Variants in TNR observed in about 807,000 individuals in gnomAD.
TNR encodes the protein tenascin-R.
Under a neutral mutation model 150.4 loss-of-function variants are expected in TNR, and 45 were observed. That is an observed-to-expected ratio of 0.30 (90% confidence interval 0.24 to 0.38). The LOEUF (loss-of-function observed/expected upper bound fraction) is 0.38. Ranked by LOEUF, TNR falls within the 10% of genes least tolerant of loss-of-function variation. TNR has a pLI of 1.00. For missense variants in TNR, 1,544 were observed against 1,759.1 expected (o/e 0.88, Z 2.19); for synonymous variants, 687 against 678.4 (o/e 1.01, Z -0.20).
At chr1:175,364,931 C>T in intron 12 of TNR, 79 bp downstream of exon 12, 1 of 1,503,366 alleles carries the variant, frequency 6.7e-7, no homozygotes. Flanking sequence ...GGGTCTTTCT[C>T]TTTTAAAATT....
intron 14 of TNR, 51 bp downstream of exon 14, chr1:175,362,612 C>A (rs574769515): frequency 1.3e-6 from 2 of 1,593,530 alleles, no homozygotes; most frequent in African/African-American, 1.3e-5. Context: ...ACAACTTCAC[C>A]CAGATCTTCA....
chr1:175,577,785 C>G (rs866327292), intron 1 of TNR, among the ~76,000 whole-genome samples: 1 of 152,106 alleles, frequency 6.6e-6, no homozygotes, highest in Admixed American at 6.5e-5. Flanking sequence ...CAGAGCAGCA[C>G]GAGGAGGGAA....
chr1:175,532,967 G>A (rs972074210), intron 1 of TNR, among the ~76,000 whole-genome samples: 1 of 152,202 alleles, frequency 6.6e-6, no homozygotes, highest in African/African-American at 2.4e-5. Flanking sequence ...ATGCAGGTTA[G>A]CCCCATTTAA....
chr1:175,520,275 G>T (rs1659581259), intron 2 of TNR, among the ~76,000 whole-genome samples: 1 of 152,180 alleles, frequency 6.6e-6, no homozygotes, highest in Non-Finnish European at 1.5e-5. Flanking sequence ...AGTTCTGGCA[G>T]AATCCTTACA....
intron 1 of TNR, among the ~76,000 whole-genome samples, chr1:175,612,848 A>G (rs528092722): frequency 4.0e-4 from 61 of 152,342 alleles, no homozygotes; most frequent in African/African-American, 1.2e-3. Flanking sequence ...ACTTGATTCC[A>G]ATCATTTACT....
chr1:175,717,381 C>T (rs929352700), intron 1 of TNR, among the ~76,000 whole-genome samples: 1 of 152,112 alleles, frequency 6.6e-6, no homozygotes, highest in African/African-American at 2.4e-5. Context: ...CCCCAAACCT[C>T]AGCATCACGC....
In TNR at chr1:175,320,976, T is replaced by A. The variant is rs1038721117; in HGVS notation, c.*2381A>T. On this transcript the variant is annotated 3_prime_UTR_variant, in exon 23 of 23. Transcript: ENST00000367674. Reference sequence around the variant, plus strand: ...ACTCATTCTAGTCTAATCTCTCATCTGACAGATGAAGAAACTGGCCCAGAG... The same window carrying A: ...ACTCATTCTAGTCTAATCTCTCATCAGACAGATGAAGAAACTGGCCCAGAG... The A allele has an allele frequency of 6.6e-6, 1 of 152,192 alleles. No homozygotes were observed. Among genetic ancestry groups the A allele is most frequent in the African/African-American group, 2.4e-5 (1 of 41,446 alleles). The allele number at this position is 152,192 out of a possible 1,614,324, so 9.4% of individuals were successfully genotyped here. A position where few individuals can be genotyped will look rare whatever the true frequency, so the allele number is the denominator to read the frequency against.
At position 175,546,532 on chromosome 1, in the gene TNR, G is replaced by A. The variant is rs114469311; in HGVS notation, c.-164-18163C>T. ...CTCCAACCTGGACTAAAGGCAGGGA[G>A]GCCACGAGGGCAGAGTTGCTTTTCA... On this transcript the variant is annotated intron_variant, in intron 1 of 22. Transcript: ENST00000367674. 3.2e-3 allele frequency among the ~76,000 whole-genome samples: 491 copies of A among 152,300 alleles called. 2 individuals carry two copies. The highest frequency in any genetic ancestry group is 2.5e-3 in the Non-Finnish European group (173 of 68,030).
At chr1:175,737,935 G>T (rs571149378) in intron 1 of TNR, among the ~76,000 whole-genome samples, 2 of 152,158 alleles carry the variant, frequency 1.3e-5, no homozygotes, top group Non-Finnish European at 2.9e-5. Flanking sequence ...CTCCCCAAGG[G>T]TGAGGGCTGC....
intron 7 of TNR, among the ~76,000 whole-genome samples, chr1:175,388,066 A>C (rs859442): frequency 0.66 from 100,847 of 152,082 alleles, 33,656 homozygotes; most frequent in East Asian, 0.83. Context: ...TGGTGGTTTT[A>C]GATAACTTAG....
chr1:175,352,453 C>T (rs1651095476), intron 18 of TNR, among the ~76,000 whole-genome samples: 2 of 152,142 alleles, frequency 1.3e-5, no homozygotes, highest in Admixed American at 1.3e-4. Context: ...TGGAAAGCTC[C>T]AACCCGTGGG....
chr1:175,524,069 GC>G (rs1212989450), intron 2 of TNR, among the ~76,000 whole-genome samples: 4 of 151,868 alleles, frequency 2.6e-5, no homozygotes, highest in African/African-American at 9.7e-5. Context: ...TTTCCTTGCT[GC>G]CCCCTCCCCC....
intron 8 of TNR, among the ~76,000 whole-genome samples, chr1:175,384,662 G>A (rs1301249684): frequency 6.6e-6 from 1 of 152,192 alleles, no homozygotes; most frequent in East Asian, 1.9e-4. Context: ...CCTGGGCATT[G>A]CCCTTCTGTT....
At chr1:175,595,988 T>G (rs544432128) in intron 1 of TNR, among the ~76,000 whole-genome samples, 3 of 152,254 alleles carry the variant, frequency 2.0e-5, no homozygotes, top group African/African-American at 7.2e-5. Flanking sequence ...GGAGGGGCTA[T>G]CAGAATCCTA....
At chr1:175,623,095 A>G (rs995767408) in intron 1 of TNR, among the ~76,000 whole-genome samples, 1 of 152,228 alleles carries the variant, frequency 6.6e-6, no homozygotes, top group African/African-American at 2.4e-5. Flanking sequence ...AATTCAACCT[A>G]TAACAGTGCT....
intron 2 of TNR, among the ~76,000 whole-genome samples, chr1:175,457,924 C>A (rs373891914): frequency 1.3e-5 from 2 of 152,190 alleles, no homozygotes; most frequent in African/African-American, 4.8e-5. Context: ...AACTGGCAAA[C>A]GCCAGAGTTG....
At chr1:175,445,009 A>G (rs1443269190) in intron 2 of TNR, among the ~76,000 whole-genome samples, 2 of 152,154 alleles carry the variant, frequency 1.3e-5, no homozygotes, top group South Asian at 2.1e-4. Context: ...GGTGGCTCAC[A>G]CCTGTAATCC....
chr1:175,463,763 C>G (rs1656916138), intron 2 of TNR, among the ~76,000 whole-genome samples: 1 of 152,166 alleles, frequency 6.6e-6, no homozygotes, highest in Non-Finnish European at 1.5e-5. Flanking sequence ...TTACCCCTTC[C>G]CCACTAGAGG....
chr1:175,421,466 C>T (rs893111051), intron 2 of TNR, among the ~76,000 whole-genome samples: 5 of 152,160 alleles, frequency 3.3e-5, no homozygotes, highest in African/African-American at 1.2e-4. Flanking sequence ...AGCAGGTGAG[C>T]TATTTCCTAA....
Sources: gnomAD v4.1 joint callset for allele counts (sites outside exome capture counted in the v4.1 genomes callset) on GRCh38, gnomAD v4.1.1 for gene constraint, MANE v1.5 for transcripts, NCBI Gene and HGNC (gene_info 2026-07-23, HGNC 2026-07-21) for gene names.